The following EBF2 variants were observed in gnomAD, a reference collection of about 807,000 sequenced individuals.
EBF2 encodes transcription factor COE2.
In EBF2, 21 loss-of-function variants were observed where a neutral mutation model predicts 72.8. The observed-to-expected ratio is 0.29, with a 90% CI of 0.20 to 0.42. The LOEUF is 0.42. Ranked by LOEUF, EBF2 falls within the 10% of genes least tolerant of loss-of-function variation. The pLI, the probability that EBF2 is intolerant of heterozygous loss-of-function variation, is 1.00. For synonymous variants in EBF2, 299 were observed against 274.2 expected (o/e 1.09, Z -0.89); for missense variants, 637 against 731.2 (o/e 0.87, Z 1.49).
chr8:25,885,205 G>T (rs1303642395), intron 10 of EBF2, among the ~76,000 whole-genome samples: 1 of 119,306 alleles, frequency 8.4e-6, no homozygotes, highest in Non-Finnish European at 1.8e-5. Context: ...CCCTTACCAG[G>T]CTCCTTTTTT....
At chr8:26,013,694 TAA>T (rs34159255) in intron 6 of EBF2, among the ~76,000 whole-genome samples, 2 of 145,532 alleles carry the variant, frequency 1.4e-5, no homozygotes, top group Non-Finnish European at 3.0e-5. Context: ...CACCCACTAT[TAA>T]AAAAAAAAAA....
chr8:25,953,069 C>T (rs955856378), intron 6 of EBF2, among the ~76,000 whole-genome samples: 2 of 152,198 alleles, frequency 1.3e-5, no homozygotes, highest in Non-Finnish European at 2.9e-5. Flanking sequence ...AAGAAAGGGG[C>T]CTTCCCTAAG....
In EBF2 at chr8:25,861,042, G is replaced by A; in HGVS notation, c.1342+7C>T. The A allele has an allele frequency of 6.2e-7, 1 of 1,614,078 alleles. No homozygotes were observed. The highest frequency in any genetic ancestry group is 8.5e-7 in the Non-Finnish European group (1 of 1,180,014). ...TATTTGGATTTTGACTCTAAGAAAG[G>A]TGGTACCTTGATTATTTCCTTGTGT... On this transcript the variant is annotated splice_region_variant and intron_variant, in intron 13 of 15. Transcript: ENST00000520164.
chr8:25,871,611 G>A (rs1438384614), intron 10 of EBF2, among the ~76,000 whole-genome samples: 1 of 152,198 alleles, frequency 6.6e-6, no homozygotes, highest in Non-Finnish European at 1.5e-5. Flanking sequence ...AGAAAACTCA[G>A]ACATGAGAAT....
chr8:25,865,689 G>C (rs939981451), intron 10 of EBF2, among the ~76,000 whole-genome samples: 2 of 151,348 alleles, frequency 1.3e-5, no homozygotes, highest in Non-Finnish European at 3.0e-5. Flanking sequence ...GCCTCCCAGA[G>C]TGCTGGGATT....
rs1293216757 is a variant in EBF2 at position 26,041,139 on chromosome 8, G to T, written c.289-137C>A. ...TTGAGTAACCCCCTGTTCAGCCCTA[G>T]GTCAAAGGGCATGAGCATCTGCCTG... On this transcript the variant is annotated intron_variant, in intron 2 of 15. Transcript: ENST00000520164. The T allele has an allele frequency of 1.8e-5, 17 of 965,708 alleles. No homozygotes were observed. In the East Asian group the frequency reaches 2.1e-4, roughly 12 times the overall value. The allele number at this position is 965,708 out of a possible 1,614,324, so 59.8% of individuals were successfully genotyped here. A position where few individuals can be genotyped will look rare whatever the true frequency, so the allele number is the denominator to read the frequency against.
chr8:26,023,127 G>A (rs1805231353), intron 6 of EBF2, among the ~76,000 whole-genome samples: 1 of 152,094 alleles, frequency 6.6e-6, no homozygotes, highest in Non-Finnish European at 1.5e-5. Context: ...TGGGCCCAAA[G>A]AACTTATCCA....
chr8:25,880,067 A>G (rs764698161), intron 10 of EBF2, among the ~76,000 whole-genome samples: 6 of 152,208 alleles, frequency 3.9e-5, no homozygotes, highest in Non-Finnish European at 7.3e-5. Flanking sequence ...AATTTCTAAG[A>G]TACCTAACGT....
intron 6 of EBF2, among the ~76,000 whole-genome samples, chr8:26,007,021 T>C (rs1158592229): frequency 6.6e-6 from 1 of 152,234 alleles, no homozygotes; most frequent in African/African-American, 2.4e-5. Flanking sequence ...CAGGCCCTTC[T>C]AGACAGCCAC....
intron 6 of EBF2, among the ~76,000 whole-genome samples, chr8:26,017,020 G>A (rs1441456800): frequency 6.6e-6 from 1 of 152,072 alleles, no homozygotes; most frequent in Non-Finnish European, 1.5e-5. Context: ...GCTGGGAAAC[G>A]CTGAAGAGAA....
At chr8:26,042,023 CAGAT>C in intron 2 of EBF2, 68 bp downstream of exon 2, 2 of 1,559,854 alleles carry the variant, frequency 1.3e-6, no homozygotes, top group Non-Finnish European at 1.7e-6. Flanking sequence ...GCGAGAGTGA[CAGAT>C]GGAATCTTTA....
intron 10 of EBF2, among the ~76,000 whole-genome samples, chr8:25,884,034 T>G (rs1470616495): frequency 1.3e-5 from 2 of 152,194 alleles, no homozygotes; most frequent in Non-Finnish European, 2.9e-5. Flanking sequence ...CCTCTGGTCC[T>G]GTGGCTTTAA....
At chr8:26,005,477 A>ATAAAATATAACATATAT (rs1563205962) in intron 6 of EBF2, among the ~76,000 whole-genome samples, 1 of 9,004 alleles carries the variant, frequency 1.1e-4, no homozygotes, top group Non-Finnish European at 1.7e-4. Context: ...ATATAATATT[A>ATAAAATATAACATATAT]TTTATAAAAT....
chr8:26,002,920 A>AGGCAGGCAGGCAGGCAGGCG (rs1804763179), intron 6 of EBF2, among the ~76,000 whole-genome samples: 1 of 8,954 alleles, frequency 1.1e-4, no homozygotes, highest in Non-Finnish European at 2.2e-4. Flanking sequence ...GCAGGCGGGC[A>AGGCAGGCAGGCAGGCAGGCG]GGCGGGCAGG....
At chr8:25,879,637 ACT>A (rs1802576063) in intron 10 of EBF2, among the ~76,000 whole-genome samples, 1 of 151,790 alleles carries the variant, frequency 6.6e-6, no homozygotes, top group Non-Finnish European at 1.5e-5. Context: ...GGGACAGCCC[ACT>A]CTCCTGGTTT....
chr8:25,894,234 G>C (rs1443606262), intron 7 of EBF2, among the ~76,000 whole-genome samples: 1 of 152,162 alleles, frequency 6.6e-6, no homozygotes, highest in African/African-American at 2.4e-5. Flanking sequence ...TTTACTTCTG[G>C]AAGAATGAAC....
At chr8:25,866,399 C>A (rs190935476) in intron 10 of EBF2, among the ~76,000 whole-genome samples, 1 of 146,564 alleles carries the variant, frequency 6.8e-6, no homozygotes, top group Admixed American at 6.9e-5. Context: ...AAATCACAGT[C>A]ACATGAATTT....
chr8:25,959,875 T>C (rs1455647118), intron 6 of EBF2, among the ~76,000 whole-genome samples: 1 of 152,138 alleles, frequency 6.6e-6, no homozygotes, highest in Non-Finnish European at 1.5e-5. Flanking sequence ...AAGAAAATCA[T>C]CCCAAATACT....
At chr8:26,016,358 T>C (rs775050368) in intron 6 of EBF2, among the ~76,000 whole-genome samples, 2 of 152,252 alleles carry the variant, frequency 1.3e-5, no homozygotes, top group African/African-American at 2.4e-5. Flanking sequence ...CTCAGACCTA[T>C]GTCTACTAAA....
Sources: gnomAD v4.1 joint callset for allele counts (sites outside exome capture counted in the v4.1 genomes callset) on GRCh38, gnomAD v4.1.1 for gene constraint, MANE v1.5 for transcripts, NCBI Gene and HGNC (gene_info 2026-07-23, HGNC 2026-07-21) for gene names.